RASGRF1: variants seen among roughly 807,000 people sequenced by gnomAD.
RASGRF1 encodes Ras protein specific guanine nucleotide releasing factor 1, also known as ras-specific guanine nucleotide-releasing factor 1.
Under a neutral mutation model 138.7 loss-of-function variants are expected in RASGRF1, and 40 were observed. The observed-to-expected ratio is 0.29, with a 90% CI of 0.22 to 0.38. The LOEUF (loss-of-function observed/expected upper bound fraction) is 0.38, where lower values mean the gene tolerates loss of function less well. Among genes scored for constraint, RASGRF1 ranks in the 10% least tolerant of loss-of-function variants. The probability of loss-of-function intolerance (pLI) is 1.00; values close to 1 mark genes in which losing one functional copy is unlikely to be tolerated. For synonymous variants in RASGRF1, 614 were observed against 663.2 expected (o/e 0.93, Z 1.14); for missense variants, 1,108 against 1,650.4 (o/e 0.67, Z 5.69).
chr15:79,068,988 C>T (rs534552444), intron 1 of RASGRF1, among the ~76,000 whole-genome samples: 5 of 152,160 alleles, frequency 3.3e-5, no homozygotes, highest in Admixed American at 6.5e-5. Flanking sequence ...CAGGCCTGGC[C>T]GGGCTTAGGC....
intron 8 of RASGRF1, among the ~76,000 whole-genome samples, chr15:79,030,620 C>A (rs970109894): frequency 1.3e-5 from 2 of 152,214 alleles, no homozygotes; most frequent in African/African-American, 4.8e-5. Flanking sequence ...AGACCTGTCC[C>A]TCCTGCAGTT....
chr15:79,016,319 G>C (rs903083561), intron 12 of RASGRF1, among the ~76,000 whole-genome samples: 2 of 152,228 alleles, frequency 1.3e-5, no homozygotes, highest in Admixed American at 1.3e-4. Context: ...TCTGGGCAAG[G>C]CCACGACCCC....
intron 13 of RASGRF1, among the ~76,000 whole-genome samples, chr15:79,014,862 A>G (rs1459870947): frequency 6.6e-6 from 1 of 151,732 alleles, no homozygotes; most frequent in Non-Finnish European, 1.5e-5. Flanking sequence ...GGTTGCAGTG[A>G]GCTGAGATTG....
chr15:78,969,792 A>G (rs1170082187), intron 26 of RASGRF1, among the ~76,000 whole-genome samples: 1 of 152,046 alleles, frequency 6.6e-6, no homozygotes, highest in Non-Finnish European at 1.5e-5. Flanking sequence ...CTGTCATATT[A>G]TATTTTTTGC....
At chr15:78,986,645 C>A (rs2056165239) in intron 22 of RASGRF1, among the ~76,000 whole-genome samples, 3 of 151,916 alleles carry the variant, frequency 2.0e-5, no homozygotes, top group Non-Finnish European at 4.4e-5. Flanking sequence ...CCGCGCCCGG[C>A]CTTTGTGACT....
chr15:79,017,436 G>T, intron 12 of RASGRF1, among the ~76,000 whole-genome samples: 1 of 152,154 alleles, frequency 6.6e-6, no homozygotes. Context: ...CAGGTCACAT[G>T]CCAACAATTT....
rs375421926 is a variant in RASGRF1 at position 79,064,408 on chromosome 15, A to G, written c.383+12T>C. ...GGAGTAGGGGCTTCCTGCCCTGGGC[A>G]AGGAGACATACCTGGCATGTGCAAT... On this transcript the variant is annotated intron_variant, in intron 2 of 26. Transcript: ENST00000558480. 3 of 1,611,382 alleles carry G rather than the reference A, an allele frequency of 1.9e-6. No individual in the cohort carries two copies. In the African/African-American group the frequency reaches 4.0e-5, roughly 22 times the overall value.
intron 24 of RASGRF1, chr15:78,979,397 TAA>T (rs1244828565): frequency 1.1e-5 from 3 of 262,104 alleles, no homozygotes; most frequent in Non-Finnish European, 2.3e-5. Context: ...CTGGGGGTAG[TAA>T]ACTCTGGTGT....
At chr15:79,081,108 A>G (rs901273445) in intron 1 of RASGRF1, among the ~76,000 whole-genome samples, 1 of 152,208 alleles carries the variant, frequency 6.6e-6, no homozygotes, top group East Asian at 1.9e-4. Flanking sequence ...AGGTGTGGAG[A>G]CAACACTTGA....
At position 79,090,772 on chromosome 15, in the gene RASGRF1, T is replaced by C. The variant is rs963018869; in HGVS notation, c.-274A>G. The stretch of plus-strand genomic sequence containing the variant: ...GACCCTCCTCCGGTGCCGGGCAAAC[T>C]GAGGGACTGGCGATCTGCGCGCTGG... On this transcript the variant is annotated 5_prime_UTR_variant, in exon 1 of 27. Coordinates refer to ENST00000558480, the MANE Select transcript of RASGRF1 (RefSeq NM_001145648.3). 4.2e-6 allele frequency: 2 copies of C among 474,600 alleles called. No individual in the cohort carries two copies. Among genetic ancestry groups the C allele is most frequent in the Non-Finnish European group, 3.7e-6 (1 of 270,066 alleles). 29.4% of individuals were successfully genotyped at this position (474,600 alleles called of 1,614,324 possible).
At chr15:79,031,352 A>G in intron 8 of RASGRF1, 48 bp downstream of exon 8, 1 of 1,424,408 alleles carries the variant, frequency 7.0e-7, no homozygotes, top group Non-Finnish European at 9.7e-7. Flanking sequence ...GGGCACCCTC[A>G]GCCCTGCCCT....
Position 78,973,324 on chromosome 15 carries a change from G to C in RASGRF1, c.3591C>G (p.Val1197=). The C allele has an allele frequency of 6.2e-7, 1 of 1,612,706 alleles. No homozygotes were observed. The highest frequency in any genetic ancestry group is 8.5e-7 in the Non-Finnish European group (1 of 1,179,008). Residue 1197 remains valine (V), a synonymous_variant, in exon 25 of 27, where the codon GTC becomes GTG. Transcript: ENST00000558480. This position sits in a 1 kb window ranked among gnomAD's most constrained non-coding sequence, Gnocchi z 4.9. ...GCACCATCCTCATCTTGGAGAAGTT[G>C]ACCAGGCCGTCTTCCGTGTAATTGG... ...GTPNYTEDGL[V]NFSKMRMISH... is the part of the protein sequence containing the mutation.
In RASGRF1 at chr15:79,070,441, G is replaced by C. The variant is rs74609294; in HGVS notation, c.277-5915C>G. Among the ~76,000 whole-genome samples the C allele has an allele frequency of 3.9e-3, 596 of 152,342 alleles. 1 individual carries two copies. The highest frequency in any genetic ancestry group is 0.014 in the African/African-American group (582 of 41,576). On this transcript the variant is annotated intron_variant, in intron 1 of 26. Coordinates refer to ENST00000558480, the MANE Select transcript of RASGRF1 (RefSeq NM_001145648.3). ...TTTGGGAAACTTGATTTCCTTTTGA[G>C]ATAAAGAAGTGGCCTTAATAATTGG... is the stretch of plus-strand genomic sequence containing the variant.
At chr15:79,030,383 C>T (rs918765408) in intron 8 of RASGRF1, among the ~76,000 whole-genome samples, 12 of 152,182 alleles carry the variant, frequency 7.9e-5, no homozygotes, top group East Asian at 3.8e-4. Context: ...TGCATACCCC[C>T]GGGCTCAGCT....
intron 26 of RASGRF1, among the ~76,000 whole-genome samples, chr15:78,969,678 A>C (rs1387094614): frequency 6.6e-6 from 1 of 152,126 alleles, no homozygotes; most frequent in East Asian, 1.9e-4. Context: ...TAAAAAAAAG[A>C]AAAGAAAAGA....
At chr15:78,965,852 AAAAT>A (rs1384272965) in intron 26 of RASGRF1, among the ~76,000 whole-genome samples, 1 of 152,192 alleles carries the variant, frequency 6.6e-6, no homozygotes, top group East Asian at 1.9e-4. Flanking sequence ...CTCCGTCTCA[AAAAT>A]AAAATAAAAG....
At chr15:79,026,993 C>T (rs554473797) in intron 9 of RASGRF1, among the ~76,000 whole-genome samples, 13 of 152,170 alleles carry the variant, frequency 8.5e-5, no homozygotes, top group South Asian at 4.1e-4. Context: ...CAGCGGGAGG[C>T]GCTGGCAAGT....
chr15:78,991,594 G>A (rs1010255692), intron 21 of RASGRF1, 97 bp downstream of exon 21: 8 of 966,796 alleles, frequency 8.3e-6, no homozygotes, highest in East Asian at 7.3e-5. Context: ...TGGAGGGTCC[G>A]TGCAGCTCTG....
At chr15:79,071,070 C>T (rs543687834) in intron 1 of RASGRF1, among the ~76,000 whole-genome samples, 1 of 152,228 alleles carries the variant, frequency 6.6e-6, no homozygotes, top group African/African-American at 2.4e-5. Context: ...GCTGCCGATG[C>T]TCATGCTGTG....
Sources: gnomAD v4.1 joint callset for allele counts (sites outside exome capture counted in the v4.1 genomes callset) on GRCh38, gnomAD v4.1.1 for gene constraint, Gnocchi (gnomAD v3.1) non-coding constraint, MANE v1.5 for transcripts, NCBI Gene and HGNC (gene_info 2026-07-23, HGNC 2026-07-21) for gene names.